Variants in PCCA observed in about 807,000 individuals in gnomAD.
PCCA encodes the protein propionyl-CoA carboxylase subunit alpha, also known as propionyl-CoA carboxylase alpha chain, mitochondrial.
In PCCA, 74 loss-of-function variants were observed where a neutral mutation model predicts 101.3. The observed-to-expected ratio is 0.73, with a 90% CI of 0.61 to 0.89. The LOEUF is 0.89. PCCA is among the 40% of genes least tolerant of loss of function. The probability of loss-of-function intolerance (pLI) is 0.00; values close to 1 mark genes in which losing one functional copy is unlikely to be tolerated. For missense variants in PCCA, 891 were observed against 907.0 expected, an observed-to-expected ratio of 0.98 and a Z score of 0.23; for synonymous variants, 294 against 313.6, an observed-to-expected ratio of 0.94 and a Z score of 0.66.
rs562571798 is a variant in PCCA at position 100,485,358 on chromosome 13, G to A, written c.1900-30069G>A. Among the ~76,000 whole-genome samples, 12 of 152,332 alleles carry A rather than the reference G, an allele frequency of 7.9e-5. No individual in the cohort carries two copies. In the South Asian group the frequency reaches 2.3e-3, roughly 29 times the overall value. ...GTGGCAGCCCTGCTGATGGGGCAAG[G>A]TGCTCTGCAAGTTTCTAGGCAAGGT... On this transcript the variant is annotated intron_variant, in intron 21 of 23. Coordinates refer to ENST00000376285, the MANE Select transcript of PCCA (RefSeq NM_000282.4).
intron 4 of PCCA, among the ~76,000 whole-genome samples, chr13:100,134,404 A>G (rs2050892126): frequency 6.6e-6 from 1 of 152,114 alleles, no homozygotes; most frequent in African/African-American, 2.4e-5. Flanking sequence ...GAATCAGCTT[A>G]TGTTTATGTA....
chr13:100,209,277 C>T lies in PCCA; in HGVS notation c.469-55C>T, dbSNP rs1233984863. On this transcript the variant is annotated intron_variant, in intron 6 of 23. Transcript: ENST00000376285. ...CTTTTCTTTTATAAAATTGTGACTC[C>T]ACATCATGCTCCGTAATGTTCTTGT... 4.0e-6 allele frequency: 6 copies of T among 1,507,858 alleles called. No individual in the cohort carries two copies. In the African/African-American group the frequency reaches 8.2e-5, roughly 21 times the overall value. 93.4% of individuals were successfully genotyped at this position (1,507,858 alleles called of 1,614,324 possible). A position where few individuals can be genotyped will look rare whatever the true frequency, so the allele number is the denominator to read the frequency against.
At chr13:100,239,111 A>G (rs562378215) in intron 8 of PCCA, among the ~76,000 whole-genome samples, 2 of 152,302 alleles carry the variant, frequency 1.3e-5, no homozygotes, top group African/African-American at 2.4e-5. Flanking sequence ...TGCCTTTTAC[A>G]TAATGGTAAC....
chr13:100,198,468 GTTCATTCAT>G (rs1187061113), intron 6 of PCCA: 1 of 149,374 alleles, frequency 6.7e-6, no homozygotes, highest in African/African-American at 2.5e-5. Flanking sequence ...CAGTTGCCAC[GTTCATTCAT>G]TCATTCATTC....
At chr13:100,155,187 T>G in intron 5 of PCCA, 95 bp downstream of exon 5, 1 of 847,350 alleles carries the variant, frequency 1.2e-6, no homozygotes, top group Non-Finnish European at 2.0e-6. Context: ...GAAAGAATGA[T>G]TGAAAATGCT....
chr13:100,341,227 C>A (rs552471672), intron 18 of PCCA, among the ~76,000 whole-genome samples: 12 of 152,132 alleles, frequency 7.9e-5, no homozygotes, highest in Non-Finnish European at 5.9e-5. Flanking sequence ...AATGACTGGA[C>A]GGAGGAGGAA....
At chr13:100,163,989 TCATATAGTCC>T (rs1261236701) in intron 6 of PCCA, among the ~76,000 whole-genome samples, 1 of 85,424 alleles carries the variant, frequency 1.2e-5, no homozygotes, top group Admixed American at 1.3e-4. Context: ...AATTTTGCGA[TCATATAGTCC>T]ATCCTCCTTC....
chr13:100,367,326 T>G (rs1222359127), intron 18 of PCCA, among the ~76,000 whole-genome samples: 1 of 152,124 alleles, frequency 6.6e-6, no homozygotes, highest in Admixed American at 6.6e-5. Context: ...TGGAGTCCTT[T>G]CTGGGGGGTT....
chr13:100,384,281 C>T (rs1279139126), intron 19 of PCCA, among the ~76,000 whole-genome samples: 1 of 152,212 alleles, frequency 6.6e-6, no homozygotes, highest in Non-Finnish European at 1.5e-5. Context: ...CCGCTTCAGC[C>T]TCCCAAAGTT....
chr13:100,116,776 A>G (rs929565656), intron 4 of PCCA, among the ~76,000 whole-genome samples: 2 of 152,224 alleles, frequency 1.3e-5, no homozygotes, highest in Non-Finnish European at 2.9e-5. Context: ...GTTTGAAAGT[A>G]AATACATTTT....
At chr13:100,451,822 C>G (rs555912497) in intron 21 of PCCA, among the ~76,000 whole-genome samples, 106 of 125,386 alleles carry the variant, frequency 8.5e-4, no homozygotes, top group Non-Finnish European at 1.3e-3. Flanking sequence ...TCTCCTCTCT[C>G]TCCTCTTCCT....
chr13:100,263,661 C>T (rs2062678062), intron 10 of PCCA, among the ~76,000 whole-genome samples: 1 of 152,062 alleles, frequency 6.6e-6, no homozygotes, highest in Non-Finnish European at 1.5e-5. Flanking sequence ...CTTATATAAT[C>T]AGTTGGATGT....
At chr13:100,290,018 C>T (rs896581688) in intron 12 of PCCA, among the ~76,000 whole-genome samples, 6 of 152,026 alleles carry the variant, frequency 3.9e-5, no homozygotes, top group African/African-American at 4.8e-5. Flanking sequence ...TAGCCCTGAA[C>T]GGGGGATACT....
At chr13:100,210,343 T>C (rs1336589036) in intron 7 of PCCA, among the ~76,000 whole-genome samples, 1 of 152,236 alleles carries the variant, frequency 6.6e-6, no homozygotes, top group Non-Finnish European at 1.5e-5. Context: ...TTGTATTTAA[T>C]GAATCAGCAG....
chr13:100,488,593 T>C (rs564563891), intron 21 of PCCA, among the ~76,000 whole-genome samples: 1 of 151,350 alleles, frequency 6.6e-6, no homozygotes, highest in African/African-American at 2.4e-5. Context: ...GGCAACAACA[T>C]AGTGGTATCC....
intron 16 of PCCA, among the ~76,000 whole-genome samples, chr13:100,324,338 A>G (rs2068408156): frequency 6.6e-6 from 1 of 152,160 alleles, no homozygotes; most frequent in Non-Finnish European, 1.5e-5. Flanking sequence ...CTATTTTGAT[A>G]TTACAGTTGA....
intron 7 of PCCA, among the ~76,000 whole-genome samples, chr13:100,210,564 C>T (rs1290968483): frequency 6.6e-6 from 1 of 152,174 alleles, no homozygotes; most frequent in East Asian, 1.9e-4. Flanking sequence ...TTGTATATTG[C>T]AAACATTTAG....
In PCCA at chr13:100,247,669, A is replaced by C. The variant is rs138097194; in HGVS notation, c.638-9926A>C. Among the ~76,000 whole-genome samples the C allele has an allele frequency of 5.4e-3, 821 of 151,752 alleles. 3 individuals carry two copies. Among genetic ancestry groups the C allele is most frequent in the East Asian group, 0.011 (55 of 5,126 alleles). ...GCTGTGACTACAGGTGCCTGCCACC[A>C]CACCTGGCTAATTTTTTTGTATTTT... On this transcript the variant is annotated intron_variant, in intron 8 of 23. Transcript: ENST00000376285.
intron 4 of PCCA, among the ~76,000 whole-genome samples, chr13:100,146,685 C>A (rs752021679): frequency 2.6e-5 from 4 of 151,722 alleles, no homozygotes; most frequent in Non-Finnish European, 5.9e-5. Flanking sequence ...AAAAATGAAT[C>A]ATTTTTCTCC....
Sources: allele counts gnomAD v4.1 joint callset (sites outside exome capture counted in the v4.1 genomes callset), GRCh38; gene constraint gnomAD v4.1.1; transcripts MANE v1.5; gene names NCBI Gene and HGNC (gene_info 2026-07-23, HGNC 2026-07-21).